PRKACB: variants seen among roughly 807,000 people sequenced by gnomAD.
The protein encoded by PRKACB is cAMP-dependent protein kinase catalytic subunit beta.
Under a neutral mutation model 51.4 loss-of-function variants are expected in PRKACB, and 16 were observed. That is an observed-to-expected ratio of 0.31 (90% confidence interval 0.21 to 0.47). PRKACB has a LOEUF of 0.47. Among genes scored for constraint, PRKACB ranks in the 20% least tolerant of loss-of-function variants. The pLI is 1.00. For missense variants in PRKACB, 309 were observed against 464.5 expected (o/e 0.67, Z 3.08); for synonymous variants, 147 against 154.4 (o/e 0.95, Z 0.35).
intron 1 of PRKACB, among the ~76,000 whole-genome samples, chr1:84,088,834 T>C (rs953929247): frequency 6.6e-6 from 1 of 152,168 alleles, no homozygotes; most frequent in Admixed American, 6.5e-5. Context: ...TGTCCTTAAA[T>C]TGGGAGACAG....
chr1:84,205,237 A>G (rs1244157293), intron 8 of PRKACB: 1 of 984,732 alleles, frequency 1.0e-6, no homozygotes, highest in Non-Finnish European at 1.2e-6. Flanking sequence ...AAGGCTCTGT[A>G]TTATGTGAAG....
At chr1:84,217,380 G>C (rs758827925) in intron 9 of PRKACB, among the ~76,000 whole-genome samples, 7 of 151,632 alleles carry the variant, frequency 4.6e-5, no homozygotes, top group Non-Finnish European at 7.4e-5. Flanking sequence ...TATGATCTCA[G>C]TAGCCAATTA....
At chr1:84,097,572 T>A (rs1463874988) in intron 1 of PRKACB, among the ~76,000 whole-genome samples, 1 of 152,042 alleles carries the variant, frequency 6.6e-6, no homozygotes, top group Non-Finnish European at 1.5e-5. Context: ...ATATACTTAT[T>A]ATGGAAATTG....
In PRKACB at chr1:84,144,427, G is replaced by C; in HGVS notation, c.66G>C (p.Leu22Phe). 3 of 1,613,132 alleles carry C rather than the reference G, an allele frequency of 1.9e-6. No individual in the cohort carries two copies. Among genetic ancestry groups the C allele is most frequent in the Non-Finnish European group, 2.5e-6 (3 of 1,179,588 alleles). Residue 22 changes from leucine to phenylalanine, a missense_variant, in exon 1 of 10, where the codon TTG (leucine) becomes TTC (phenylalanine). By Grantham distance (22) the Leu-to-Phe change is conservative (BLOSUM62 0). Coordinates refer to ENST00000370685, the MANE Select transcript of PRKACB (RefSeq NM_182948.4). ...GTACAACTACAGCTCTTCAGAAATT[G>C]GAAGGTTTTGCTAGCCGGTTATTTC... ...YTGTTTALQKLEGFASRLFHR... is the reference protein window; with the variant it reads ...YTGTTTALQKFEGFASRLFHR...
At chr1:84,197,029 T>A (rs2134649) in intron 6 of PRKACB, among the ~76,000 whole-genome samples, 1 of 151,930 alleles carries the variant, frequency 6.6e-6, no homozygotes, top group Non-Finnish European at 1.5e-5. Flanking sequence ...CATATTCCAC[T>A]TGTTTTACAT....
At position 84,144,481 on chromosome 1, in the gene PRKACB, T is replaced by G; in HGVS notation, c.120T>G (p.Asp40Glu). Residue 40 changes from aspartate (D) to glutamate (E), a missense_variant, in exon 1 of 10, where the codon GAT becomes GAG. Physicochemically the swap from Asp to Glu is conservative, Grantham distance 45. Coordinates refer to ENST00000370685, the MANE Select transcript of PRKACB (RefSeq NM_182948.4). The part of the protein sequence containing the change: ...FHRHSKGTAH[D>E]QKTALENDSL... ...GACACTCTAAAGGTACTGCACATGA[T>G]CAGAAAACAGCTCTGGAAAATGACA... The G allele has an allele frequency of 6.2e-7, 1 of 1,612,076 alleles. No homozygotes were observed. The highest frequency in any genetic ancestry group is 8.5e-7 in the Non-Finnish European group (1 of 1,179,290).
intron 3 of PRKACB, among the ~76,000 whole-genome samples, chr1:84,183,715 A>G (rs1323890787): frequency 6.6e-6 from 1 of 151,794 alleles, no homozygotes; most frequent in African/African-American, 2.4e-5. Flanking sequence ...TGACATAACT[A>G]ATTTTTAAAG....
intron 9 of PRKACB, among the ~76,000 whole-genome samples, chr1:84,217,696 G>A (rs935898286): frequency 2.0e-5 from 3 of 152,212 alleles, no homozygotes; most frequent in African/African-American, 7.2e-5. Flanking sequence ...TGGAGGCTGA[G>A]GCAGGAGGAT....
chr1:84,118,253 C>T (rs1557962282), intron 1 of PRKACB, among the ~76,000 whole-genome samples: 1 of 152,098 alleles, frequency 6.6e-6, no homozygotes, highest in Non-Finnish European at 1.5e-5. Flanking sequence ...CTCAAATGTT[C>T]CCTGTGTGTT....
chr1:84,216,102 G>T (rs1164788815), intron 9 of PRKACB, among the ~76,000 whole-genome samples: 2 of 152,184 alleles, frequency 1.3e-5, no homozygotes, highest in Non-Finnish European at 2.9e-5. Context: ...GGGAGGCCAA[G>T]GTGGGTGGAT....
intron 1 of PRKACB, among the ~76,000 whole-genome samples, chr1:84,084,814 G>A (rs943280062): frequency 6.6e-6 from 1 of 152,100 alleles, no homozygotes; most frequent in African/African-American, 2.4e-5. Flanking sequence ...TTGGGGTGGG[G>A]ACTTACTGAA....
chr1:84,189,354 G>C (rs1666080772), intron 5 of PRKACB, among the ~76,000 whole-genome samples: 1 of 151,156 alleles, frequency 6.6e-6, no homozygotes, highest in Non-Finnish European at 1.5e-5. Flanking sequence ...GACATACCAA[G>C]AAGAGCCAAG....
At chr1:84,081,370 A>T (rs1427387743) in intron 1 of PRKACB, among the ~76,000 whole-genome samples, 1 of 152,186 alleles carries the variant, frequency 6.6e-6, no homozygotes, top group Non-Finnish European at 1.5e-5. Flanking sequence ...AGATAACATT[A>T]ACTTAGGTAC....
intron 1 of PRKACB, among the ~76,000 whole-genome samples, chr1:84,134,776 A>G (rs1652621806): frequency 6.6e-6 from 1 of 152,176 alleles, no homozygotes; most frequent in Non-Finnish European, 1.5e-5. Context: ...ACATCCATTA[A>G]AAGACAGTTC....
chr1:84,202,841 T>C, intron 8 of PRKACB, 36 bp downstream of exon 8: 1 of 1,503,216 alleles, frequency 6.7e-7, no homozygotes, highest in East Asian at 2.3e-5. Flanking sequence ...CTCTTATTAC[T>C]GTATATGAAT....
At chr1:84,206,421 A>T (rs890887922) in intron 8 of PRKACB, among the ~76,000 whole-genome samples, 2 of 152,166 alleles carry the variant, frequency 1.3e-5, no homozygotes. Flanking sequence ...GGACTCAACA[A>T]GATTCAGCAT....
chr1:84,087,678 G>GC (rs1271125326), intron 1 of PRKACB, among the ~76,000 whole-genome samples: 1 of 152,028 alleles, frequency 6.6e-6, no homozygotes, highest in Non-Finnish European at 1.5e-5. Flanking sequence ...ATCGAGGCTT[G>GC]TTTTTTTACT....
intron 4 of PRKACB, among the ~76,000 whole-genome samples, chr1:84,184,880 G>A (rs566517435): frequency 6.6e-6 from 1 of 152,030 alleles, no homozygotes; most frequent in African/African-American, 2.4e-5. Context: ...AGAAAAGGAA[G>A]AGCAAAAGTC....
intron 3 of PRKACB, among the ~76,000 whole-genome samples, chr1:84,183,784 A>T (rs1173914947): frequency 6.6e-6 from 1 of 151,832 alleles, no homozygotes; most frequent in Non-Finnish European, 1.5e-5. Flanking sequence ...AATTGAAACC[A>T]TAATTGACCT....
Sources: allele counts gnomAD v4.1 joint callset (sites outside exome capture counted in the v4.1 genomes callset), GRCh38; gene constraint gnomAD v4.1.1; transcripts MANE v1.5; gene names NCBI Gene and HGNC (gene_info 2026-07-23, HGNC 2026-07-21).